MACROD2: variants seen among roughly 807,000 people sequenced by gnomAD.
The protein encoded by MACROD2 is ADP-ribose glycohydrolase MACROD2.
MACROD2 carries 36 observed loss-of-function variants against 70.4 expected under a neutral mutation model. The observed-to-expected ratio is 0.51, with a 90% CI of 0.39 to 0.68. The LOEUF (loss-of-function observed/expected upper bound fraction) is 0.68. Ranked by LOEUF, MACROD2 falls within the 30% of genes least tolerant of loss-of-function variation. MACROD2 has a pLI of 0.00. For missense variants in MACROD2, 496 were observed against 538.4 expected (o/e 0.92, Z 0.78); for synonymous variants, 172 against 178.8 (o/e 0.96, Z 0.30).
chr20:15,639,158 A>T (rs1476706295), intron 8 of MACROD2, among the ~76,000 whole-genome samples: 9 of 152,302 alleles, frequency 5.9e-5, no homozygotes, highest in African/African-American at 2.2e-4. Context: ...TTCAAAGGAG[A>T]TCACCCACAG....
At chr20:14,067,220 TTC>T (rs1023684237) in intron 2 of MACROD2, among the ~76,000 whole-genome samples, 1 of 149,012 alleles carries the variant, frequency 6.7e-6, no homozygotes, top group African/African-American at 2.5e-5. Context: ...GCCTCCCTGG[TTC>T]AAGCGATTCT....
chr20:15,194,088 A>G (rs1291332695), intron 5 of MACROD2, among the ~76,000 whole-genome samples: 3 of 151,832 alleles, frequency 2.0e-5, no homozygotes, highest in Non-Finnish European at 1.5e-5. Flanking sequence ...TCTACCAAAT[A>G]TACAAAAATT....
intron 8 of MACROD2, among the ~76,000 whole-genome samples, chr20:15,732,763 C>CTTTTT (rs5840686): frequency 2.0e-5 from 3 of 147,764 alleles, no homozygotes; most frequent in African/African-American, 2.5e-5. Flanking sequence ...TAGTTTTCCT[C>CTTTTT]TTTTTTTTTT....
intron 7 of MACROD2, among the ~76,000 whole-genome samples, chr20:15,433,459 C>CA (rs60298297): frequency 0.35 from 30,485 of 87,536 alleles, 6,168 homozygotes; most frequent in Non-Finnish European, 0.43. Flanking sequence ...ACAAGAGCTG[C>CA]AAAAAAAAAA....
At chr20:14,559,985 G>C (rs548033793) in intron 4 of MACROD2, among the ~76,000 whole-genome samples, 2 of 151,608 alleles carry the variant, frequency 1.3e-5, no homozygotes, top group African/African-American at 4.8e-5. Context: ...ATTTCTCTTT[G>C]TTTTGACCTC....
At chr20:16,040,988 T>A (rs1245106621) in intron 15 of MACROD2, among the ~76,000 whole-genome samples, 1 of 152,038 alleles carries the variant, frequency 6.6e-6, no homozygotes, top group African/African-American at 2.4e-5. Flanking sequence ...ATATATGTGA[T>A]CATCTCACAA....
chr20:14,693,456 G>A (rs764300891), intron 5 of MACROD2, among the ~76,000 whole-genome samples: 2 of 152,180 alleles, frequency 1.3e-5, no homozygotes, highest in Non-Finnish European at 2.9e-5. Context: ...AGCAAATGCT[G>A]AGTAAAAGTG....
intron 3 of MACROD2, among the ~76,000 whole-genome samples, chr20:14,321,570 A>C (rs2082660916): frequency 6.6e-6 from 1 of 152,232 alleles, no homozygotes. Flanking sequence ...AAAAGGAATT[A>C]GAATTTTAAA....
intron 5 of MACROD2, among the ~76,000 whole-genome samples, chr20:15,083,984 T>C (rs2075725060): frequency 6.6e-6 from 1 of 151,690 alleles, no homozygotes; most frequent in Non-Finnish European, 1.5e-5. Flanking sequence ...AATGTCATTA[T>C]AGGAGGTGCA....
At chr20:14,437,882 T>A (rs2084076206) in intron 3 of MACROD2, among the ~76,000 whole-genome samples, 1 of 152,176 alleles carries the variant, frequency 6.6e-6, no homozygotes, top group Admixed American at 6.5e-5. Flanking sequence ...TATAGTAAAA[T>A]TATTACTATA....
intron 5 of MACROD2, among the ~76,000 whole-genome samples, chr20:14,959,305 A>G (rs1394843592): frequency 1.3e-5 from 2 of 151,880 alleles, no homozygotes; most frequent in East Asian, 1.9e-4. Flanking sequence ...CCAATTTTGT[A>G]TTTTTAGTAG....
chr20:14,056,851 G>C (rs1033544541), intron 2 of MACROD2, among the ~76,000 whole-genome samples: 1 of 151,294 alleles, frequency 6.6e-6, no homozygotes, highest in Non-Finnish European at 1.5e-5. Flanking sequence ...ATGTGCTTCA[G>C]CTATCATGTA....
At chr20:15,666,030 T>C (rs2049893358) in intron 8 of MACROD2, among the ~76,000 whole-genome samples, 1 of 151,982 alleles carries the variant, frequency 6.6e-6, no homozygotes, top group African/African-American at 2.4e-5. Flanking sequence ...AGTATAAAGA[T>C]AAATGGAAAA....
intron 3 of MACROD2, among the ~76,000 whole-genome samples, chr20:14,297,431 G>A (rs922882574): frequency 2.6e-5 from 4 of 151,988 alleles, no homozygotes; most frequent in East Asian, 1.9e-4. Context: ...GAAATTAAAT[G>A]TGCTACTCCA....
intron 8 of MACROD2, among the ~76,000 whole-genome samples, chr20:15,531,798 A>G (rs187531273): frequency 1.3e-5 from 2 of 152,286 alleles, no homozygotes; most frequent in African/African-American, 2.4e-5. Context: ...CAAAATAATT[A>G]TTCACTAAAG....
At chr20:14,096,697 G>A (rs977716770) in intron 3 of MACROD2, among the ~76,000 whole-genome samples, 3 of 152,106 alleles carry the variant, frequency 2.0e-5, no homozygotes, top group African/African-American at 7.2e-5. Flanking sequence ...TATGCCATAT[G>A]GTCAGGGATT....
intron 3 of MACROD2, among the ~76,000 whole-genome samples, chr20:14,120,232 A>G (rs1326053667): frequency 2.6e-5 from 4 of 151,150 alleles, no homozygotes; most frequent in African/African-American, 9.7e-5. Flanking sequence ...AAAAAAAAAA[A>G]AAGAAGAAGA....
At chr20:14,764,416 G>A (rs148151936) in intron 5 of MACROD2, among the ~76,000 whole-genome samples, 40 of 152,076 alleles carry the variant, frequency 2.6e-4, no homozygotes, top group African/African-American at 8.7e-4. Flanking sequence ...CTTCATTATG[G>A]TCTTTGTACC....
At chr20:15,303,666 C>T (rs1427019709) in intron 6 of MACROD2, among the ~76,000 whole-genome samples, 1 of 152,218 alleles carries the variant, frequency 6.6e-6, no homozygotes, top group African/African-American at 2.4e-5. Context: ...TCATGTCACT[C>T]ACTCAGAACC....
Sources: allele counts gnomAD v4.1 joint callset (sites outside exome capture counted in the v4.1 genomes callset), GRCh38; gene constraint gnomAD v4.1.1; transcripts MANE v1.5; gene names NCBI Gene and HGNC (gene_info 2026-07-23, HGNC 2026-07-21).